Variants in ANK1 observed in about 807,000 individuals in gnomAD.
ANK1 encodes ankyrin 1.
In ANK1, 51 loss-of-function variants were observed where a neutral mutation model predicts 210.4. That is an observed-to-expected ratio of 0.24 (90% CI 0.19 to 0.31). The LOEUF is 0.31. ANK1 is among the 10% of genes least tolerant of loss of function. ANK1 has a pLI of 1.00. For missense variants in ANK1, 2,051 were observed against 2,504.4 expected (o/e 0.82, Z 3.86); for synonymous variants, 967 against 1,025.9 (o/e 0.94, Z 1.10).
In ANK1 at chr8:41,717,055, T is replaced by C. The variant is rs765897799; in HGVS notation, c.1306-4A>G. On this transcript the variant is annotated splice_polypyrimidine_tract_variant and splice_region_variant and intron_variant, in intron 12 of 42. Coordinates refer to ENST00000289734, the MANE Select transcript of ANK1 (RefSeq NM_000037.4). Reference sequence around the variant, plus strand: ...TGTGTAGCGGGGTCTCCACTTTCTATAAAATAACAAAATTATAGAACTGTT... The same window carrying C: ...TGTGTAGCGGGGTCTCCACTTTCTACAAAATAACAAAATTATAGAACTGTT... The C allele has an allele frequency of 1.1e-5, 18 of 1,613,994 alleles. No homozygotes were observed. Among genetic ancestry groups the C allele is most frequent in the Non-Finnish European group, 1.5e-5 (18 of 1,179,968 alleles).
chr8:41,781,722 G>A (rs13252428), intron 1 of ANK1, among the ~76,000 whole-genome samples: 54,511 of 152,058 alleles, frequency 0.36, 10,099 homozygotes, highest in South Asian at 0.39. Context: ...GGGAAGGGAC[G>A]GAGCTGAGGG....
At chr8:41,859,636 C>T (rs923332109) in intron 1 of ANK1, among the ~76,000 whole-genome samples, 7 of 152,264 alleles carry the variant, frequency 4.6e-5, no homozygotes, top group Admixed American at 1.3e-4. Flanking sequence ...ATCTGGGCTG[C>T]GCCCAGCCTT....
intron 1 of ANK1, among the ~76,000 whole-genome samples, chr8:41,761,205 TCACACA>T (rs72324640): frequency 2.7e-5 from 4 of 149,526 alleles, no homozygotes; most frequent in Non-Finnish European, 3.0e-5. Context: ...ACACACAGAT[TCACACA>T]CACACACACA....
chr8:41,871,953 A>G (rs986840506), intron 1 of ANK1, among the ~76,000 whole-genome samples: 5 of 152,280 alleles, frequency 3.3e-5, no homozygotes, highest in African/African-American at 1.2e-4. Context: ...GGATGGGGGA[A>G]GGGAGGGTCC....
intron 2 of ANK1, among the ~76,000 whole-genome samples, chr8:41,756,818 C>G (rs1839268761): frequency 6.6e-6 from 1 of 152,174 alleles, no homozygotes; most frequent in Non-Finnish European, 1.5e-5. Flanking sequence ...GCATGTCGCC[C>G]ATGGAAAACC....
intron 1 of ANK1, among the ~76,000 whole-genome samples, chr8:41,861,427 G>T (rs562336098): frequency 1.7e-4 from 26 of 152,354 alleles, no homozygotes; most frequent in African/African-American, 6.3e-4. Context: ...CTTCGAAAGG[G>T]CCTGCGTGAA....
At chr8:41,660,557 C>T (rs1485220407) in intron 42 of ANK1, 3 of 464,174 alleles carry the variant, frequency 6.5e-6, no homozygotes, top group Admixed American at 5.0e-5. Flanking sequence ...CCCAGCACCA[C>T]ACACACCTGC....
At chr8:41,722,953 T>A (rs1829650491) in intron 9 of ANK1, among the ~76,000 whole-genome samples, 172 bp downstream of exon 9, 1 of 152,178 alleles carries the variant, frequency 6.6e-6, no homozygotes, top group South Asian at 2.1e-4. Flanking sequence ...TAGTTAGGCA[T>A]TAGAGCTACA....
intron 3 of ANK1, among the ~76,000 whole-genome samples, chr8:41,729,476 C>A (rs962405390): frequency 4.6e-5 from 7 of 152,148 alleles, no homozygotes; most frequent in Non-Finnish European, 1.0e-4. Context: ...CTGCAGCCTC[C>A]AACTCCTGGG....
At chr8:41,772,585 C>T (rs549773618) in intron 1 of ANK1, among the ~76,000 whole-genome samples, 2 of 152,322 alleles carry the variant, frequency 1.3e-5, no homozygotes, top group South Asian at 4.1e-4. Context: ...AGATCAGGAT[C>T]CCAAGAAATC....
chr8:41,832,415 A>C (rs1208281370), intron 1 of ANK1, among the ~76,000 whole-genome samples: 1 of 152,142 alleles, frequency 6.6e-6, no homozygotes, highest in Admixed American at 6.5e-5. Flanking sequence ...CACTTGACTA[A>C]AGGTTTACAG....
intron 13 of ANK1, 140 bp downstream of exon 13, chr8:41,716,813 G>T: frequency 1.2e-6 from 1 of 853,578 alleles, no homozygotes; most frequent in South Asian, 1.3e-5. Context: ...GAATCTGGGC[G>T]CTCAGAGTGA....
At chr8:41,893,522 C>T (rs1484154939) in intron 1 of ANK1, among the ~76,000 whole-genome samples, 1 of 152,210 alleles carries the variant, frequency 6.6e-6, no homozygotes, top group Non-Finnish European at 1.5e-5. Context: ...AAGCACCTTC[C>T]CACACAATAT....
At chr8:41,724,179 G>C (rs368119582) in intron 7 of ANK1, among the ~76,000 whole-genome samples, 3 of 152,268 alleles carry the variant, frequency 2.0e-5, no homozygotes, top group East Asian at 3.9e-4. Context: ...CAACATAACA[G>C]ACTGCAGGAA....
At chr8:41,779,185 C>T (rs1448814685) in intron 1 of ANK1, among the ~76,000 whole-genome samples, 1 of 152,164 alleles carries the variant, frequency 6.6e-6, no homozygotes, top group African/African-American at 2.4e-5. Context: ...CCCAACCCAT[C>T]CCTCTCCTAT....
intron 1 of ANK1, among the ~76,000 whole-genome samples, chr8:41,791,272 A>G: frequency 7.8e-6 from 1 of 128,410 alleles, no homozygotes; most frequent in East Asian, 2.2e-4. Context: ...CCTGGGTTCA[A>G]GTGATTCTCC....
At chr8:41,809,571 A>C (rs1002963923) in intron 1 of ANK1, among the ~76,000 whole-genome samples, 6 of 152,184 alleles carry the variant, frequency 3.9e-5, no homozygotes, top group Non-Finnish European at 1.5e-5. Flanking sequence ...GTTCAAGACC[A>C]GCCTGGGCAA....
Position 41,719,709 on chromosome 8 carries a change from C to T in ANK1, c.1059G>A (p.Val353=), listed in dbSNP as rs1828756895. ...HVAAHCGHHR[V]AKVLLDKGAK... is the part of the protein sequence containing the mutation. ...CCCCTTTATCCAGAAGGACCTTAGC[C>T]ACCCTGTGGTGTCCACAGTGGGCAG... The change falls in exon 10 of 43, where the codon GTG becomes GTA. Residue 353 remains valine (V), a synonymous_variant. Transcript: ENST00000289734. 6.2e-7 allele frequency: 1 copy of T among 1,614,250 alleles called. No homozygotes were observed. The highest frequency in any genetic ancestry group is 8.5e-7 in the Non-Finnish European group (1 of 1,180,046).
chr8:41,796,923 A>G (rs1848843286), intron 1 of ANK1, among the ~76,000 whole-genome samples: 1 of 151,940 alleles, frequency 6.6e-6, no homozygotes, highest in Admixed American at 6.6e-5. Context: ...ATGAGAGCCT[A>G]TCTCCCCAGG....
Sources: allele counts gnomAD v4.1 joint callset (sites outside exome capture counted in the v4.1 genomes callset), GRCh38; gene constraint gnomAD v4.1.1; transcripts MANE v1.5; gene names NCBI Gene and HGNC (gene_info 2026-07-23, HGNC 2026-07-21).